The following RIN2 variants were observed in gnomAD, a reference collection of about 807,000 sequenced individuals.
RIN2 encodes Ras and Rab interactor 2, also known as RAB5 interacting protein 2.
Under a neutral mutation model 78.0 loss-of-function variants are expected in RIN2, and 36 were observed. The ratio of observed to expected loss-of-function variants is 0.46; its 90% CI spans 0.35 to 0.61. RIN2 has a LOEUF of 0.61. Among genes scored for constraint, RIN2 ranks in the 20% least tolerant of loss-of-function variants. RIN2 has a pLI of 0.00. For synonymous variants in RIN2, 466 were observed against 466.8 expected (o/e 1.00, Z 0.02); for missense variants, 1,087 against 1,159.7 (o/e 0.94, Z 0.91).
chr20:19,865,673 T>C (rs2037484977), intron 2 of RIN2, among the ~76,000 whole-genome samples: 1 of 152,002 alleles, frequency 6.6e-6, no homozygotes. Flanking sequence ...TTTTATTTTT[T>C]GTACAGATGG....
chr20:19,796,881 T>C (rs6136836), intron 1 of RIN2, among the ~76,000 whole-genome samples: 22,126 of 152,174 alleles, frequency 0.15, 1,911 homozygotes, highest in African/African-American at 0.24. Context: ...AAACTGAGAT[T>C]GTTGCAAGGT....
chr20:19,905,888 T>C (rs932338589), intron 3 of RIN2, among the ~76,000 whole-genome samples: 3 of 152,252 alleles, frequency 2.0e-5, no homozygotes, highest in Admixed American at 6.5e-5. Context: ...ATTCATTCTC[T>C]GGCCCTCTGT....
intron 4 of RIN2, among the ~76,000 whole-genome samples, chr20:19,941,250 A>G (rs1470340314): frequency 6.6e-6 from 1 of 152,216 alleles, no homozygotes; most frequent in African/African-American, 2.4e-5. Context: ...TTATAACCAC[A>G]GGAAACCCAG....
intron 8 of RIN2, among the ~76,000 whole-genome samples, chr20:19,972,913 G>A (rs561206188): frequency 2.5e-4 from 38 of 152,256 alleles, no homozygotes; most frequent in African/African-American, 8.7e-4. Context: ...AATTTATTTT[G>A]TTGTATTTAA....
chr20:19,758,778 C>T (rs2033495551), intron 1 of RIN2, among the ~76,000 whole-genome samples: 1 of 152,216 alleles, frequency 6.6e-6, no homozygotes, highest in Admixed American at 6.5e-5. Context: ...GTGCTCCCTG[C>T]GCCTGAGCGC....
intron 3 of RIN2, among the ~76,000 whole-genome samples, chr20:19,926,754 T>C (rs450940): frequency 0.48 from 72,669 of 151,972 alleles, 17,543 homozygotes; most frequent in East Asian, 0.62. Flanking sequence ...CACCCTAAGT[T>C]TCAAGTCTTC....
chr20:19,847,332 T>C (rs2036817871), intron 2 of RIN2, among the ~76,000 whole-genome samples: 1 of 152,228 alleles, frequency 6.6e-6, no homozygotes, highest in Non-Finnish European at 1.5e-5. Context: ...TAGGCCACAG[T>C]TCCTTACTCT....
intron 1 of RIN2, among the ~76,000 whole-genome samples, chr20:19,790,862 A>G (rs149974396): frequency 1.3e-5 from 2 of 152,276 alleles, no homozygotes; most frequent in South Asian, 2.1e-4. Flanking sequence ...ATAGGTTTGC[A>G]TTGTAAAATG....
chr20:19,977,372 C>G (rs770842837), intron 9 of RIN2, among the ~76,000 whole-genome samples: 14 of 152,010 alleles, frequency 9.2e-5, no homozygotes, highest in Middle Eastern at 3.2e-3. Context: ...GGTACTTGCT[C>G]TTAGAACTCA....
chr20:19,963,324 C>A (rs143482704), intron 6 of RIN2, among the ~76,000 whole-genome samples: 1 of 151,968 alleles, frequency 6.6e-6, no homozygotes, highest in Non-Finnish European at 1.5e-5. Flanking sequence ...TACAAAAAAG[C>A]GAAGAAGCAG....
At chr20:19,994,275 CGA>C (rs2042888527) in intron 11 of RIN2, among the ~76,000 whole-genome samples, 1 of 152,176 alleles carries the variant, frequency 6.6e-6, no homozygotes, top group African/African-American at 2.4e-5. Context: ...TGCACAGCAT[CGA>C]ACTGAAGCTA....
intron 9 of RIN2, among the ~76,000 whole-genome samples, chr20:19,983,343 T>C (rs575049120): frequency 2.6e-5 from 4 of 152,216 alleles, no homozygotes; most frequent in Non-Finnish European, 5.9e-5. Flanking sequence ...CTCCACCATC[T>C]GGGAAAGTCA....
intron 2 of RIN2, among the ~76,000 whole-genome samples, chr20:19,852,786 CCA>C (rs1240784818): frequency 6.6e-6 from 1 of 152,012 alleles, no homozygotes; most frequent in Non-Finnish European, 1.5e-5. Flanking sequence ...CTCTAAGATG[CCA>C]CAGTCACCTA....
At chr20:19,983,467 G>T (rs2042523916) in intron 9 of RIN2, among the ~76,000 whole-genome samples, 1 of 152,018 alleles carries the variant, frequency 6.6e-6, no homozygotes, top group African/African-American at 2.4e-5. Flanking sequence ...TATTAGAATA[G>T]GAAGTGCTCA....
chr20:19,839,268 A>T (rs1447013610), intron 2 of RIN2, among the ~76,000 whole-genome samples: 1 of 152,238 alleles, frequency 6.6e-6, no homozygotes, highest in African/African-American at 2.4e-5. Context: ...AAGGAAAATG[A>T]ATAAAGGCCA....
At position 19,974,879 on chromosome 20, in the gene RIN2, G is replaced by T. The variant is rs749119496; in HGVS notation, c.854G>T (p.Ser285Ile). 6 of 1,613,918 alleles carry T rather than the reference G, an allele frequency of 3.7e-6. No individual in the cohort carries two copies. Among genetic ancestry groups the T allele is most frequent in the Non-Finnish European group, 5.1e-6 (6 of 1,179,902 alleles). ...LFLKVHSQDL[S>I]GGLKRPSTRT... ...TTGAAAGTGCACAGCCAGGACCTCA[G>T]TGGAGGCCTGAAACGGCCGAGCACA... The change falls in exon 9 of 13, where the codon AGT becomes ATT. Residue 285 changes from serine to isoleucine, a missense_variant. Physicochemically the swap from Ser to Ile is moderately radical, Grantham distance 142 (BLOSUM62 -2). Around this residue, in one of 8 missense-constraint regions of RIN2, gnomAD observed 706 missense variants for 667.5 expected, o/e 1.06. Coordinates refer to ENST00000255006, the MANE Select transcript of RIN2 (RefSeq NM_018993.4).
intron 1 of RIN2, among the ~76,000 whole-genome samples, chr20:19,772,719 G>C (rs1366666136): frequency 6.6e-6 from 1 of 152,204 alleles, no homozygotes; most frequent in Admixed American, 6.5e-5. Context: ...CCTGTGAGAT[G>C]ATCACTTCGT....
At chr20:19,855,072 TGA>T (rs909394045) in intron 2 of RIN2, among the ~76,000 whole-genome samples, 58 of 152,332 alleles carry the variant, frequency 3.8e-4, no homozygotes, top group African/African-American at 1.3e-3. Context: ...CCTAATTTAT[TGA>T]GAGTTTTTGG....
intron 2 of RIN2, among the ~76,000 whole-genome samples, chr20:19,862,491 G>C (rs1481353911): frequency 6.6e-6 from 1 of 152,174 alleles, no homozygotes; most frequent in African/African-American, 2.4e-5. Flanking sequence ...TACTTGGGAG[G>C]CTGAGGCAGG....
Sources: allele counts gnomAD v4.1 joint callset (sites outside exome capture counted in the v4.1 genomes callset), GRCh38; gene constraint gnomAD v4.1.1; regional missense constraint gnomAD v4.1.1; transcripts MANE v1.5; gene names NCBI Gene and HGNC (gene_info 2026-07-23, HGNC 2026-07-21).